The following ARHGAP8 variants were observed in gnomAD, a reference collection of about 807,000 sequenced individuals.
ARHGAP8 encodes rho GTPase-activating protein 8.
In ARHGAP8, 62 loss-of-function variants were observed where a neutral mutation model predicts 46.1. The ratio of observed to expected loss-of-function variants is 1.34; its 90% CI spans 1.10 to 1.66. The LOEUF (loss-of-function observed/expected upper bound fraction) is 1.66. ARHGAP8 is among the 40% of genes most tolerant of loss of function. The probability of loss-of-function intolerance (pLI) is 0.00; values close to 1 mark genes in which losing one functional copy is unlikely to be tolerated. For missense variants in ARHGAP8, 923 were observed against 568.4 expected (o/e 1.62, Z -6.34); for synonymous variants, 375 against 243.1 (o/e 1.54, Z -5.05).
At chr22:44,821,668 C>T (rs903162867) in intron 5 of ARHGAP8, among the ~76,000 whole-genome samples, 2 of 152,244 alleles carry the variant, frequency 1.3e-5, no homozygotes, top group Non-Finnish European at 2.9e-5. Flanking sequence ...GTCCACCAGA[C>T]GTCAGGCAGT....
At chr22:44,785,855 T>C (rs1027145333) in intron 1 of ARHGAP8, among the ~76,000 whole-genome samples, 1 of 152,108 alleles carries the variant, frequency 6.6e-6, no homozygotes, top group African/African-American at 2.4e-5. Context: ...CAGCCCACCT[T>C]GGTGCTTTCG....
chr22:44,839,602 T>C (rs1329630131), intron 7 of ARHGAP8, among the ~76,000 whole-genome samples: 2 of 152,158 alleles, frequency 1.3e-5, no homozygotes, highest in Non-Finnish European at 2.9e-5. Context: ...CACCTCTCAA[T>C]TGTGGGACCT....
intron 7 of ARHGAP8, among the ~76,000 whole-genome samples, chr22:44,829,020 C>A (rs914026161): frequency 6.6e-6 from 1 of 150,678 alleles, no homozygotes; most frequent in South Asian, 2.1e-4. Flanking sequence ...TGCCTGTAAT[C>A]CCAACACTTT....
intron 7 of ARHGAP8, among the ~76,000 whole-genome samples, chr22:44,834,116 G>A (rs1931134067): frequency 6.6e-6 from 1 of 151,860 alleles, no homozygotes; most frequent in South Asian, 2.1e-4. Context: ...TTTTGATGAT[G>A]TTCTCTGTTA....
At chr22:44,798,781 T>G (rs1416809085) in intron 2 of ARHGAP8, among the ~76,000 whole-genome samples, 2 of 151,992 alleles carry the variant, frequency 1.3e-5, no homozygotes, top group African/African-American at 4.8e-5. Flanking sequence ...GGACTTTTTT[T>G]TTTGAGAGGG....
At chr22:44,862,003 G>A (rs1022924343) in intron 11 of ARHGAP8, among the ~76,000 whole-genome samples, 5 of 152,212 alleles carry the variant, frequency 3.3e-5, no homozygotes, top group Admixed American at 6.5e-5. Flanking sequence ...AAGGTGCAGT[G>A]GAAGAGGAGA....
chr22:44,862,531 C>T lies in ARHGAP8; in HGVS notation c.1238C>T (p.Ala413Val). 2 of 1,610,030 alleles carry T rather than the reference C, an allele frequency of 1.2e-6. No homozygotes were observed. Among genetic ancestry groups the T allele is most frequent in the Non-Finnish European group, 1.7e-6 (2 of 1,176,816 alleles). Residue 413 changes from alanine to valine, a missense_variant, in exon 12 of 12, where the codon GCC becomes GTC. Physicochemically the swap from Ala to Val is moderately conservative, Grantham distance 64 (BLOSUM62 0). Transcript: ENST00000356099. ...PLQEAVPRTQ[A>V]TGLTKPTLPP... ...CAGGAGGCTGTGCCACGGACACAAG[C>T]CACGGGCCTCACCAAGCCTACCCTA... is the stretch of plus-strand genomic sequence containing the variant.
chr22:44,834,689 T>C (rs1021075616), intron 7 of ARHGAP8, among the ~76,000 whole-genome samples: 7 of 152,324 alleles, frequency 4.6e-5, no homozygotes, highest in Admixed American at 3.9e-4. Flanking sequence ...CTATTTATTA[T>C]TGAAAGTGGG....
intron 8 of ARHGAP8, among the ~76,000 whole-genome samples, 194 bp from the exon 9 acceptor site, chr22:44,847,779 C>T (rs368049485): frequency 2.0e-5 from 3 of 152,230 alleles, no homozygotes; most frequent in Admixed American, 6.5e-5. Context: ...AGTCTATTTC[C>T]GCTTTCCCTT....
intron 11 of ARHGAP8, among the ~76,000 whole-genome samples, chr22:44,861,554 C>G (rs1370169499): frequency 6.6e-6 from 1 of 152,186 alleles, no homozygotes. Context: ...TGCCTCCCTC[C>G]AGTTCTCTGC....
rs114159885 is a variant in ARHGAP8, at chr22:44,814,805, C to T, written c.386+47C>T. On this transcript the variant is annotated intron_variant, in intron 5 of 11. Transcript: ENST00000356099. ...GACCTCGCTGGGGTTGGAGGTTTCA[C>T]CCCTCAGGGTCCATGGGACGGCCTT... The T allele has an allele frequency of 2.1e-3, 3,414 of 1,601,298 alleles. 57 individuals are homozygous for T. In the African/African-American group the frequency reaches 0.041, roughly 19 times the overall value.
chr22:44,753,899 C>G (rs951057330), intron 1 of ARHGAP8, among the ~76,000 whole-genome samples: 1 of 152,218 alleles, frequency 6.6e-6, no homozygotes, highest in South Asian at 2.1e-4. Flanking sequence ...GCTTAAGACT[C>G]AGCCGTTTCA....
rs1384762397 is a variant in ARHGAP8 at position 44,862,262 on chromosome 22, T to G, written c.982-13T>G. On this transcript the variant is annotated splice_polypyrimidine_tract_variant and intron_variant, in intron 11 of 11. Transcript: ENST00000356099. ...GTGTTCACTCCCCTTTACTTGTGTG[T>G]GGTTTCCTCCAGGTGTCCCGGGAGA... is the stretch of plus-strand genomic sequence containing the variant. 7 of 1,577,760 alleles carry G rather than the reference T, an allele frequency of 4.4e-6. No homozygotes were observed. The highest frequency in any genetic ancestry group is 6.0e-6 in the Non-Finnish European group (7 of 1,157,326).
intron 2 of ARHGAP8, among the ~76,000 whole-genome samples, chr22:44,789,256 T>TTCTTGA (rs200965063): frequency 0.01 from 1,587 of 152,274 alleles, 16 homozygotes; most frequent in Middle Eastern, 0.02. Context: ...TTTCAAGTGA[T>TTCTTGA]TCTCCTGTCT....
intron 2 of ARHGAP8, among the ~76,000 whole-genome samples, chr22:44,791,535 A>G (rs4823255): frequency 0.42 from 63,167 of 151,768 alleles, 13,415 homozygotes; most frequent in East Asian, 0.52. Flanking sequence ...GAAACCCCGT[A>G]TGTACTAAAA....
chr22:44,861,553 C>T (rs73889804), intron 11 of ARHGAP8, among the ~76,000 whole-genome samples: 9 of 152,160 alleles, frequency 5.9e-5, no homozygotes, highest in African/African-American at 9.7e-5. Flanking sequence ...CTGCCTCCCT[C>T]CAGTTCTCTG....
chr22:44,772,223 CTTTTTTTTTTTTTT>C (rs71188484), intron 1 of ARHGAP8, among the ~76,000 whole-genome samples: 23 of 16,428 alleles, frequency 1.4e-3, no homozygotes, highest in African/African-American at 1.7e-3. Flanking sequence ...ACTGTTTTGC[CTTTTTTTTTTTTTT>C]TTTTTTTTTT....
chr22:44,779,756 A>G (rs1926705325), intron 1 of ARHGAP8, among the ~76,000 whole-genome samples: 1 of 151,360 alleles, frequency 6.6e-6, no homozygotes, highest in Non-Finnish European at 1.5e-5. Flanking sequence ...TTTAGTAGAG[A>G]TGGGGTTTCA....
At chr22:44,786,365 G>T in intron 1 of ARHGAP8, 92 bp from the exon 2 acceptor site, 1 of 1,481,024 alleles carries the variant, frequency 6.8e-7, no homozygotes, top group South Asian at 1.3e-5. Context: ...CAGCAGAGGT[G>T]GGTGACTGTC....
Sources: gnomAD v4.1 joint callset for allele counts (sites outside exome capture counted in the v4.1 genomes callset) on GRCh38, gnomAD v4.1.1 for gene constraint, MANE v1.5 for transcripts, NCBI Gene and HGNC (gene_info 2026-07-23, HGNC 2026-07-21) for gene names.